The following CCDC74B variants were observed in gnomAD, a reference collection of about 807,000 sequenced individuals.
CCDC74B encodes coiled-coil domain containing 74B, also known as coiled-coil domain-containing protein 74B.
A neutral mutation model predicts 38.0 loss-of-function variants in CCDC74B; 34 were observed. The observed-to-expected ratio is 0.89, with a 90% CI of 0.68 to 1.19. CCDC74B has a LOEUF of 1.19. Among genes scored for constraint, CCDC74B ranks in the 50% most tolerant of loss-of-function variants. CCDC74B has a pLI of 0.00. For synonymous variants in CCDC74B, 132 were observed against 170.4 expected (o/e 0.77, Z 1.76); for missense variants, 358 against 406.0 (o/e 0.88, Z 1.02).
chr2:130,140,221 G>A lies in CCDC74B; in HGVS notation c.636C>T (p.Leu212=). The change falls in exon 5 of 8, where the codon CTC becomes CTT. Residue 212 remains leucine, a synonymous_variant. Transcript: ENST00000409943. ...KPTTLRQCEV[L]IRELWNTNLL... ...GGTTGGTATTCCACAGCTCGCGGAT[G>A]AGCACTTCGCACTGCCTAAGTGTGG... 6.2e-7 allele frequency: 1 copy of A among 1,613,446 alleles called. No homozygotes were observed. The highest frequency in any genetic ancestry group is 8.5e-7 in the Non-Finnish European group (1 of 1,179,716).
chr2:130,141,918 T>TA, intron 3 of CCDC74B: 1 of 948,418 alleles, frequency 1.1e-6, no homozygotes, highest in South Asian at 1.7e-5. Flanking sequence ...TGTGAGGCCT[T>TA]ACTGCCCTGT....
At chr2:130,143,030 C>T in intron 2 of CCDC74B, 1 of 1,493,022 alleles carries the variant, frequency 6.7e-7, no homozygotes, top group African/African-American at 1.4e-5. Flanking sequence ...CCTGTGCCCA[C>T]CTCCCCACTG....
At position 130,143,246 on chromosome 2, in the gene CCDC74B, G is replaced by C. The variant is rs777200874; in HGVS notation, c.295+23C>G. On this transcript the variant is annotated intron_variant, in intron 2 of 7. Coordinates refer to ENST00000409943, the MANE Select transcript of CCDC74B (RefSeq NM_001258307.2). ...CTGGGTGGCAAGAGCATCCCATCAGGAACTGAAGGGCCCAGTTCTCACCTT... is the reference window on the plus strand; with the variant it reads ...CTGGGTGGCAAGAGCATCCCATCAGCAACTGAAGGGCCCAGTTCTCACCTT... 2.6e-5 allele frequency: 42 copies of C among 1,610,682 alleles called. No individual in the cohort carries two copies. In the Admixed American group the frequency reaches 3.2e-4, roughly 12 times the overall value.
At chr2:130,140,150 A>G in intron 5 of CCDC74B, 29 bp downstream of exon 5, 1 of 1,611,212 alleles carries the variant, frequency 6.2e-7, no homozygotes, top group Non-Finnish European at 8.5e-7. Flanking sequence ...CAGACTGCCC[A>G]GGGCCACCCC....
intron 2 of CCDC74B, chr2:130,142,666 A>G: frequency 6.5e-7 from 1 of 1,543,170 alleles, no homozygotes. Flanking sequence ...TCCTGATGTC[A>G]GCCCCAGCCC....
chr2:130,141,900 G>T, intron 3 of CCDC74B: 2 of 900,186 alleles, frequency 2.2e-6, no homozygotes, highest in African/African-American at 3.4e-5. Flanking sequence ...CCACCCTGGG[G>T]TGCCTGCTGT....
rs1439823290 is a variant in CCDC74B at position 130,143,317 on chromosome 2, A to G, written c.251-4T>C. On this transcript the variant is annotated splice_region_variant and splice_polypyrimidine_tract_variant and intron_variant, in intron 1 of 7. Transcript: ENST00000409943. ...ATTATGAGCTTGTAACGGAGATCTG[A>G]AAGCAAGCACACGCTCTCCTCAGCA... 3 of 1,613,978 alleles carry G rather than the reference A, an allele frequency of 1.9e-6. No individual in the cohort carries two copies. Among genetic ancestry groups the G allele is most frequent in the South Asian group, 2.2e-5 (2 of 91,074 alleles).
In CCDC74B at chr2:130,142,288, G is replaced by T. The variant is rs749371703; in HGVS notation, c.296-105C>A. 55 of 1,605,580 alleles carry T rather than the reference G, an allele frequency of 3.4e-5. 2 individuals carry two copies. The highest frequency in any genetic ancestry group is 4.3e-5 in the Non-Finnish European group (51 of 1,175,130). Reference sequence around the variant, plus strand: ...GCCCTCCTTCAGCCTGGCAGGGCTGGGTCCTCCCGGCTCTACCCACACTCC... The same window carrying T: ...GCCCTCCTTCAGCCTGGCAGGGCTGTGTCCTCCCGGCTCTACCCACACTCC... On this transcript the variant is annotated intron_variant, in intron 2 of 7. Coordinates refer to ENST00000409943, the MANE Select transcript of CCDC74B (RefSeq NM_001258307.2).
intron 2 of CCDC74B, 57 bp from the exon 3 acceptor site, chr2:130,142,240 C>T (rs1388199653): frequency 6.4e-7 from 1 of 1,566,282 alleles, no homozygotes; most frequent in Non-Finnish European, 8.7e-7. Flanking sequence ...ATGCTTGCCT[C>T]CTGGCCTGTG....
chr2:130,139,579 C>T lies in CCDC74B; in HGVS notation c.921G>A (p.Arg307=). 1.2e-6 allele frequency: 2 copies of T among 1,613,418 alleles called. No individual in the cohort carries two copies. Among genetic ancestry groups the T allele is most frequent in the African/African-American group, 1.3e-5 (1 of 75,070 alleles). ...RQKRLQAMQK[R]RLHRSVL The stretch of plus-strand genomic sequence containing the variant: ...CTCAAAGCACCGAGCGATGCAGGCG[C>T]CGTTTCTGCATTGCCTGCAGCCTCT... Residue 307 remains arginine, a synonymous_variant, in exon 8 of 8, where the codon CGG becomes CGA. Coordinates refer to ENST00000409943, the MANE Select transcript of CCDC74B (RefSeq NM_001258307.2).
rs549623997 is a variant in CCDC74B, at chr2:130,144,566, A to C, written c.250+181T>G. The C allele has an allele frequency of 1.0e-3, 1,601 of 1,550,308 alleles. 39 individuals carry two copies. The African/African-American group carries it at 0.019, about 18-fold the overall frequency. On this transcript the variant is annotated intron_variant, in intron 1 of 7. Coordinates refer to ENST00000409943, the MANE Select transcript of CCDC74B (RefSeq NM_001258307.2). ...ACAGGTTCGGCACTGCCCGGGGGCC[A>C]CGCGGGTCTCCCTCTGGGAGGAGGG...
intron 1 of CCDC74B, among the ~76,000 whole-genome samples, chr2:130,143,970 G>A (rs1685851326): frequency 6.8e-6 from 1 of 147,440 alleles, no homozygotes; most frequent in Admixed American, 6.7e-5. Flanking sequence ...GAGCAGCTAA[G>A]GGTGCAGTTG....
chr2:130,144,445 A>G lies in CCDC74B; in HGVS notation c.250+302T>C, dbSNP rs763453264. The G allele has an allele frequency of 7.8e-5, 106 of 1,360,614 alleles. 1 individual carries two copies. Among genetic ancestry groups the G allele is most frequent in the South Asian group, 2.8e-4 (22 of 79,566 alleles). The allele number at this position is 1,360,614 out of a possible 1,614,324, so 84.3% of individuals were successfully genotyped here. A position where few individuals can be genotyped will look rare whatever the true frequency, so the allele number is the denominator to read the frequency against. ...TGAGCCGCCGCGCCCGGGCCCCTCT[A>G]TAAAGTTTTTAACAGAGGTGTGTCT... On this transcript the variant is annotated intron_variant, in intron 1 of 7. Transcript: ENST00000409943.
chr2:130,142,225 C>T lies in CCDC74B; in HGVS notation c.296-42G>A, dbSNP rs138883979. 1,377 of 1,550,518 alleles carry T rather than the reference C, an allele frequency of 8.9e-4. 2 individuals are homozygous for T. In the African/African-American group the frequency reaches 0.017, roughly 19 times the overall value. On this transcript the variant is annotated intron_variant, in intron 2 of 7. Transcript: ENST00000409943. The stretch of plus-strand genomic sequence containing the variant: ...AGTGTCGGCGCTACCGCCCGCAAGA[C>T]GCCCATGCTTGCCTCCTGGCCTGTG...
At position 130,139,601 on chromosome 2, in the gene CCDC74B, C is replaced by T; in HGVS notation, c.899G>A (p.Arg300Lys). Residue 300 changes from arginine (R) to lysine (K), a missense_variant, in exon 8 of 8, where the codon AGG becomes AAG. Physicochemically the swap from Arg to Lys is conservative, Grantham distance 26 (BLOSUM62 2). Around this residue, in one of 3 missense-constraint regions of CCDC74B, gnomAD observed 213 missense variants for 212.3 expected, o/e 1.00. Coordinates refer to ENST00000409943, the MANE Select transcript of CCDC74B (RefSeq NM_001258307.2). ...GCGCCGTTTCTGCATTGCCTGCAGC[C>T]TCTTCTGCCTCTCGGCAAAGTTGTT... ...PKNNFAERQK[R>K]LQAMQKRRLH... 6.2e-7 allele frequency: 1 copy of T among 1,613,464 alleles called. No homozygotes were observed. The highest frequency in any genetic ancestry group is 2.2e-5 in the East Asian group (1 of 44,882).
intron 3 of CCDC74B, 61 bp downstream of exon 3, chr2:130,142,072 C>T: frequency 6.3e-7 from 1 of 1,592,260 alleles, no homozygotes; most frequent in Non-Finnish European, 8.6e-7. Context: ...TAGAGGCCAC[C>T]CAGGCTGGGG....
At chr2:130,144,631 T>G in intron 1 of CCDC74B, 116 bp downstream of exon 1, 1 of 1,545,528 alleles carries the variant, frequency 6.5e-7, no homozygotes, top group African/African-American at 1.4e-5. Flanking sequence ...CGTCCTGTGT[T>G]CCCCCTGAGC....
In CCDC74B at chr2:130,142,208, C is replaced by T. The variant is rs138145722; in HGVS notation, c.296-25G>A. The T allele has an allele frequency of 1.7e-5, 28 of 1,609,366 alleles. No individual in the cohort carries two copies. In the Admixed American group the frequency reaches 3.2e-4, roughly 18 times the overall value. On this transcript the variant is annotated intron_variant, in intron 2 of 7. Coordinates refer to ENST00000409943, the MANE Select transcript of CCDC74B (RefSeq NM_001258307.2). ...TCTGCAGGAGAGCGCACAGTGTCGG[C>T]GCTACCGCCCGCAAGACGCCCATGC...
In CCDC74B at chr2:130,143,360, A is replaced by T. The variant is rs768950256; in HGVS notation, c.251-47T>A. On this transcript the variant is annotated intron_variant, in intron 1 of 7. Coordinates refer to ENST00000409943, the MANE Select transcript of CCDC74B (RefSeq NM_001258307.2). The stretch of plus-strand genomic sequence containing the variant: ...CCTCAGCACTTGTGAAACCACAGCC[A>T]TTCTGAGAGAAGAAGCCTGGCCTGT... The T allele has an allele frequency of 4.3e-6, 7 of 1,612,884 alleles. No individual in the cohort carries two copies. In the South Asian group the frequency reaches 7.7e-5, roughly 18 times the overall value.
Sources: gnomAD v4.1 joint callset for allele counts (sites outside exome capture counted in the v4.1 genomes callset) on GRCh38, gnomAD v4.1.1 for gene constraint, gnomAD v4.1.1 regional missense constraint, MANE v1.5 for transcripts, NCBI Gene and HGNC (gene_info 2026-07-23, HGNC 2026-07-21) for gene names.